PHF14: variants seen among roughly 807,000 people sequenced by gnomAD.
PHF14 encodes the protein PHD finger protein 14.
PHF14 carries 55 observed loss-of-function variants against 117.9 expected under a neutral mutation model. The observed-to-expected ratio is 0.47, with a 90% CI of 0.38 to 0.58. The LOEUF (loss-of-function observed/expected upper bound fraction) is 0.58. Among genes scored for constraint, PHF14 ranks in the 20% least tolerant of loss-of-function variants. The pLI is 0.00. For missense variants in PHF14, 978 were observed against 1,122.2 expected, an observed-to-expected ratio of 0.87 and a Z score of 1.84; for synonymous variants, 409 against 368.6, an observed-to-expected ratio of 1.11 and a Z score of -1.26.
chr7:11,115,056 C>T (rs1357776262), intron 17 of PHF14, among the ~76,000 whole-genome samples: 2 of 152,046 alleles, frequency 1.3e-5, no homozygotes, highest in Non-Finnish European at 2.9e-5. Context: ...TCCATCCGTT[C>T]ACCCAAGTCA....
intron 4 of PHF14, among the ~76,000 whole-genome samples, chr7:10,996,877 A>G (rs1782670772): frequency 6.6e-6 from 1 of 152,234 alleles, no homozygotes; most frequent in African/African-American, 2.4e-5. Flanking sequence ...ATACAGGAGC[A>G]AGTATGCCTG....
chr7:11,153,987 A>G (rs896273796), intron 17 of PHF14, among the ~76,000 whole-genome samples: 1 of 150,638 alleles, frequency 6.6e-6, no homozygotes, highest in Non-Finnish European at 1.5e-5. Flanking sequence ...AGAATAAGGA[A>G]TACTTTCCCA....
intron 11 of PHF14, among the ~76,000 whole-genome samples, chr7:11,040,373 TG>T (rs1475115973): frequency 1.3e-5 from 2 of 152,114 alleles, no homozygotes; most frequent in Admixed American, 1.3e-4. Context: ...TACTGTGTTT[TG>T]TTTTTTTTAA....
At chr7:11,056,205 C>T (rs181116758) in intron 14 of PHF14, among the ~76,000 whole-genome samples, 46 of 152,230 alleles carry the variant, frequency 3.0e-4, no homozygotes, top group African/African-American at 1.1e-3. Flanking sequence ...AACCCTGAGA[C>T]TCCTGTTTTG....
At chr7:11,167,077 T>C (rs1333557985) in intron 17 of PHF14, among the ~76,000 whole-genome samples, 1 of 152,224 alleles carries the variant, frequency 6.6e-6, no homozygotes, top group African/African-American at 2.4e-5. Flanking sequence ...ATATCCATAG[T>C]TAAATATGAA....
intron 4 of PHF14, among the ~76,000 whole-genome samples, chr7:10,997,893 C>T (rs761689260): frequency 1.6e-4 from 25 of 152,114 alleles, no homozygotes; most frequent in African/African-American, 2.4e-4. Context: ...TGCCATATTC[C>T]GCTGTTCACA....
chr7:11,054,520 C>T (rs1678778278), intron 14 of PHF14, among the ~76,000 whole-genome samples: 1 of 152,040 alleles, frequency 6.6e-6, no homozygotes, highest in South Asian at 2.1e-4. Context: ...TGGTCTTGAT[C>T]TTACCATTTA....
At chr7:11,151,303 C>G (rs1448295388) in intron 17 of PHF14, among the ~76,000 whole-genome samples, 1 of 152,104 alleles carries the variant, frequency 6.6e-6, no homozygotes, top group East Asian at 1.9e-4. Context: ...CACCTGTAAT[C>G]CGAACACTTT....
chr7:11,108,175 G>A (rs1200545341), intron 16 of PHF14: 1 of 151,692 alleles, frequency 6.6e-6, no homozygotes, highest in Non-Finnish European at 1.5e-5. Context: ...TGTCCAGTAA[G>A]ATGTTTCTGT....
chr7:11,102,560 A>AT (rs1787128799), intron 16 of PHF14: 1 of 1,608,536 alleles, frequency 6.2e-7, no homozygotes, highest in Non-Finnish European at 8.5e-7. Flanking sequence ...TATAAGTGTG[A>AT]TTTTAAAAAT....
intron 13 of PHF14, among the ~76,000 whole-genome samples, chr7:11,048,869 C>A (rs1360656803): frequency 6.8e-6 from 1 of 146,402 alleles, no homozygotes; most frequent in African/African-American, 2.5e-5. Flanking sequence ...TTGGCAGTTA[C>A]ATTTGTTTTG....
chr7:11,064,718 T>TG (rs993940356), intron 16 of PHF14, among the ~76,000 whole-genome samples: 67 of 152,174 alleles, frequency 4.4e-4, no homozygotes, highest in Admixed American at 3.7e-3. Flanking sequence ...ATTGAACAAT[T>TG]GCATGCAATT....
rs755334405 is a variant in PHF14 at position 10,982,748 on chromosome 7, C to T, written c.489C>T (p.Ser163=). Residue 163 remains serine (S), a synonymous_variant, in exon 3 of 18, where the codon TCC becomes TCT. Coordinates refer to ENST00000634607, the MANE Select transcript of PHF14 (RefSeq NM_001007157.2). ...CAAGTCCTCCTGCTGTTAACACATC[C>T]CCTTCTGTTCCCACTACGACAACCG... ...PATSPPAVNT[S]PSVPTTTTAT... 18 of 1,613,666 alleles carry T rather than the reference C, an allele frequency of 1.1e-5. No individual in the cohort carries two copies. The Admixed American group carries it at 2.2e-4, about 19-fold the overall frequency.
intron 4 of PHF14, among the ~76,000 whole-genome samples, chr7:11,009,205 A>G (rs1297647190): frequency 2.6e-5 from 4 of 152,198 alleles, no homozygotes; most frequent in African/African-American, 7.2e-5. Context: ...CATACTGCAG[A>G]TGAAATAACT....
intron 4 of PHF14, among the ~76,000 whole-genome samples, chr7:11,002,843 C>T (rs2128313420): frequency 6.6e-6 from 1 of 152,292 alleles, no homozygotes; most frequent in Non-Finnish European, 1.5e-5. Context: ...ACGGTGTGAG[C>T]ACCAATAGAA....
chr7:11,104,651 G>A, intron 16 of PHF14: 1 of 977,720 alleles, frequency 1.0e-6, no homozygotes, highest in Non-Finnish European at 1.2e-6. Flanking sequence ...ATAATAGCAA[G>A]TAGTGGTTCT....
chr7:11,080,503 A>G (rs975122769), intron 16 of PHF14, among the ~76,000 whole-genome samples: 4 of 152,152 alleles, frequency 2.6e-5, no homozygotes, highest in Non-Finnish European at 5.9e-5. Flanking sequence ...TAACTTTTTC[A>G]GTAGATTTTA....
intron 3 of PHF14, among the ~76,000 whole-genome samples, chr7:10,983,368 C>G (rs183074533): frequency 2.9e-4 from 44 of 152,324 alleles, no homozygotes; most frequent in Admixed American, 2.2e-3. Context: ...AAGGAGCTCA[C>G]AATCTCTGTC....
At chr7:11,046,679 T>C (rs1202698190) in intron 13 of PHF14, among the ~76,000 whole-genome samples, 4 of 152,202 alleles carry the variant, frequency 2.6e-5, no homozygotes, top group Non-Finnish European at 5.9e-5. Context: ...GAATAAAATT[T>C]ACAAGTTGAG....
Sources: allele counts gnomAD v4.1 joint callset (sites outside exome capture counted in the v4.1 genomes callset), GRCh38; gene constraint gnomAD v4.1.1; transcripts MANE v1.5; gene names NCBI Gene and HGNC (gene_info 2026-07-23, HGNC 2026-07-21).